The following LGSN variants were observed in gnomAD, a reference collection of about 807,000 sequenced individuals.
LGSN encodes lengsin.
LGSN carries 21 observed loss-of-function variants against 19.5 expected under a neutral mutation model. The observed-to-expected ratio is 1.07, with a 90% CI of 0.76 to 1.55. The LOEUF (loss-of-function observed/expected upper bound fraction) is 1.55, where lower values mean the gene tolerates loss of function less well. Among genes scored for constraint, LGSN ranks in the 40% most tolerant of loss-of-function variants. The pLI is 0.00. For synonymous variants in LGSN, 257 were observed against 215.6 expected (o/e 1.19, Z -1.68); for missense variants, 673 against 608.5 (o/e 1.11, Z -1.12).
At chr6:63,480,986 T>TACACATATAC in the LGSN span, among the ~76,000 whole-genome samples, 227 of 44,070 alleles carry the variant, frequency 5.2e-3, 7 homozygotes, top group African/African-American at 9.7e-3. Flanking sequence ...TATATATATA[T>TACACATATAC]ACACACACAC....
upstream of LGSN, among the ~76,000 whole-genome samples, chr6:63,323,573 C>CACAT (rs2127400328): frequency 1.6e-5 from 2 of 127,434 alleles, no homozygotes; most frequent in Non-Finnish European, 3.7e-5. Context: ...CACACACACA[C>CACAT]ACACACACAC....
chr6:63,443,892 CT>C, the LGSN span, among the ~76,000 whole-genome samples: 1 of 144,384 alleles, frequency 6.9e-6, no homozygotes, highest in Non-Finnish European at 1.5e-5. Context: ...AGGCTCATTT[CT>C]ACTAAATGGT....
intron 1 of LGSN, among the ~76,000 whole-genome samples, chr6:63,299,368 A>C (rs1437126583): frequency 1.3e-5 from 2 of 152,222 alleles, no homozygotes; most frequent in African/African-American, 2.4e-5. Flanking sequence ...AGTCTCCTCT[A>C]AAGTACCTTT....
chr6:63,294,980 C>T lies in LGSN; in HGVS notation c.96G>A (p.Arg32=). The T allele has an allele frequency of 6.2e-7, 1 of 1,613,718 alleles. No individual in the cohort carries two copies. Among genetic ancestry groups the T allele is most frequent in the East Asian group, 2.2e-5 (1 of 44,806 alleles). ...ANSMNTLRRT[R]KKVTKPYVCS... is the part of the protein sequence containing the mutation. Reference sequence around the variant, plus strand: ...AAACATATGGTTTAGTGACTTTCTTCCTTGTCCTTCTTAATGTGTTCATGC... The same window carrying T: ...AAACATATGGTTTAGTGACTTTCTTTCTTGTCCTTCTTAATGTGTTCATGC... Residue 32 remains arginine (R), a synonymous_variant, in exon 2 of 4, where the codon AGG becomes AGA. Transcript: ENST00000370657.
the LGSN span, among the ~76,000 whole-genome samples, chr6:63,496,694 C>T: frequency 6.7e-6 from 1 of 150,330 alleles, no homozygotes; most frequent in Non-Finnish European, 1.5e-5. Flanking sequence ...GCTCAGCCAT[C>T]CTCCCATCTC....
chr6:63,453,599 T>G, the LGSN span, among the ~76,000 whole-genome samples: 3 of 152,144 alleles, frequency 2.0e-5, no homozygotes, highest in Non-Finnish European at 4.4e-5. Flanking sequence ...CTTTTTTTTT[T>G]GTTTGCATGG....
the LGSN span, among the ~76,000 whole-genome samples, chr6:63,566,860 C>G: frequency 6.6e-6 from 1 of 152,224 alleles, no homozygotes; most frequent in Non-Finnish European, 1.5e-5. Flanking sequence ...AACTCACCCA[C>G]TGCTTTATCA....
chr6:63,350,721 G>A, the LGSN span, among the ~76,000 whole-genome samples: 2 of 151,836 alleles, frequency 1.3e-5, no homozygotes, highest in Admixed American at 6.6e-5. Flanking sequence ...ACATGGCAGC[G>A]CACACCTGTA....
the LGSN span, among the ~76,000 whole-genome samples, chr6:63,368,330 A>G: frequency 6.6e-6 from 1 of 152,124 alleles, no homozygotes; most frequent in Non-Finnish European, 1.5e-5. Context: ...ACAGCTTTAT[A>G]AAATTCCCCT....
At chr6:63,281,477 G>A (rs1458465863) in intron 3 of LGSN, among the ~76,000 whole-genome samples, 2 of 151,386 alleles carry the variant, frequency 1.3e-5, no homozygotes, top group African/African-American at 2.4e-5. Flanking sequence ...TATGCTCTTA[G>A]ATCTGAAAAT....
chr6:63,364,613 G>A, the LGSN span, among the ~76,000 whole-genome samples: 19,848 of 152,002 alleles, frequency 0.13, 2,865 homozygotes, highest in African/African-American at 0.36. Flanking sequence ...AACTCTCCAC[G>A]CCAAATCAAC....
At chr6:63,482,586 A>G in the LGSN span, among the ~76,000 whole-genome samples, 42 of 152,280 alleles carry the variant, frequency 2.8e-4, no homozygotes, top group African/African-American at 9.1e-4. Flanking sequence ...AAAATCAGCC[A>G]GGCATGGTGG....
chr6:63,439,407 G>T, the LGSN span, among the ~76,000 whole-genome samples: 1 of 151,860 alleles, frequency 6.6e-6, no homozygotes, highest in African/African-American at 2.4e-5. Context: ...AATTAGCCAG[G>T]CGTGGTGGCG....
chr6:63,437,243 G>A, the LGSN span, among the ~76,000 whole-genome samples: 27 of 151,790 alleles, frequency 1.8e-4, no homozygotes, highest in South Asian at 5.2e-3. Context: ...GAAAGGAAAG[G>A]AACTGCACCA....
the LGSN span, among the ~76,000 whole-genome samples, chr6:63,399,512 A>G: frequency 1.3e-5 from 2 of 150,652 alleles, no homozygotes; most frequent in African/African-American, 2.5e-5. Flanking sequence ...CTCCTGCCTC[A>G]GCCTCCTGAG....
intron 3 of LGSN, among the ~76,000 whole-genome samples, chr6:63,283,469 A>G (rs1051249373): frequency 2.6e-5 from 4 of 151,722 alleles, no homozygotes; most frequent in African/African-American, 9.8e-5. Context: ...TAGATCAGAT[A>G]CAGAAAAAGC....
upstream of LGSN, among the ~76,000 whole-genome samples, chr6:63,323,572 A>G (rs866005798): frequency 0.035 from 4,405 of 126,618 alleles, 229 homozygotes; most frequent in African/African-American, 0.11. Flanking sequence ...ACACACACAC[A>G]CACACACACA....
chr6:63,471,906 A>G, the LGSN span, among the ~76,000 whole-genome samples: 36 of 152,248 alleles, frequency 2.4e-4, no homozygotes, highest in African/African-American at 8.2e-4. Context: ...TCGAAATCAC[A>G]TTCTCTCTCT....
the LGSN span, among the ~76,000 whole-genome samples, chr6:63,478,439 T>C: frequency 2.0e-5 from 3 of 152,276 alleles, no homozygotes; most frequent in East Asian, 5.8e-4. Context: ...AGTACAACTC[T>C]TCATGTATTG....
Sources: gnomAD v4.1 joint callset for allele counts (sites outside exome capture counted in the v4.1 genomes callset) on GRCh38, gnomAD v4.1.1 for gene constraint, MANE v1.5 for transcripts, NCBI Gene and HGNC (gene_info 2026-07-23, HGNC 2026-07-21) for gene names.